The following GCNT1 variants were observed in gnomAD, a reference collection of about 807,000 sequenced individuals.
GCNT1 encodes beta-1,3-galactosyl-O-glycosyl-glycoprotein beta-1,6-N-acetylglucosaminyltransferase.
Under a neutral mutation model 26.2 loss-of-function variants are expected in GCNT1, and 16 were observed. The observed-to-expected ratio is 0.61, with a 90% CI of 0.41 to 0.93. GCNT1 has a LOEUF of 0.93. GCNT1 is among the 40% of genes least tolerant of loss of function. GCNT1 has a pLI of 0.00. For synonymous variants in GCNT1, 183 were observed against 190.8 expected (o/e 0.96, Z 0.34); for missense variants, 477 against 526.7 (o/e 0.91, Z 0.92).
At chr9:76,442,554 G>T (rs745640957) in intron 1 of GCNT1, among the ~76,000 whole-genome samples, 1 of 152,104 alleles carries the variant, frequency 6.6e-6, no homozygotes, top group South Asian at 2.1e-4. Flanking sequence ...GGTGGTAGGC[G>T]CCTGTAATCC....
intron 1 of GCNT1, among the ~76,000 whole-genome samples, chr9:76,444,212 G>T (rs958723734): frequency 6.6e-6 from 1 of 152,224 alleles, no homozygotes; most frequent in Non-Finnish European, 1.5e-5. Flanking sequence ...TGTAAAGGGA[G>T]ATGTTTACTA....
intron 1 of GCNT1, among the ~76,000 whole-genome samples, chr9:76,443,917 G>GA (rs1823524446): frequency 1.5e-5 from 1 of 64,708 alleles, no homozygotes; most frequent in African/African-American, 6.2e-5. Context: ...AAGGAAGAAA[G>GA]GAAGAAAGGA....
At chr9:76,412,054 T>C in the GCNT1 span, among the ~76,000 whole-genome samples, 76 of 152,316 alleles carry the variant, frequency 5.0e-4, no homozygotes, top group Non-Finnish European at 9.0e-4. Flanking sequence ...GTTTGCAATA[T>C]ACATTTACAA....
intron 2 of GCNT1, among the ~76,000 whole-genome samples, chr9:76,482,805 G>A (rs892662368): frequency 5.6e-5 from 7 of 125,336 alleles, no homozygotes; most frequent in East Asian, 2.6e-4. Context: ...CCACCACACC[G>A]GGCTAATTTT....
chr9:76,497,299 C>G (rs546871313), intron 2 of GCNT1, among the ~76,000 whole-genome samples: 1 of 152,144 alleles, frequency 6.6e-6, no homozygotes, highest in Non-Finnish European at 1.5e-5. Context: ...AACTTCTTTT[C>G]TTCTTGGAAA....
At chr9:76,447,333 G>A (rs1046232961) in intron 1 of GCNT1, among the ~76,000 whole-genome samples, 5 of 151,374 alleles carry the variant, frequency 3.3e-5, no homozygotes, top group Non-Finnish European at 4.4e-5. Context: ...TCAACCTCCC[G>A]GGCTCAGGCA....
chr9:76,451,930 C>A (rs1281156317), intron 1 of GCNT1, among the ~76,000 whole-genome samples: 1 of 139,260 alleles, frequency 7.2e-6, no homozygotes, highest in Non-Finnish European at 1.6e-5. Context: ...TACAACTTTT[C>A]TTTTCTTTTC....
At chr9:76,485,105 C>T (rs1384201739) in intron 2 of GCNT1, among the ~76,000 whole-genome samples, 2 of 151,912 alleles carry the variant, frequency 1.3e-5, no homozygotes, top group Non-Finnish European at 1.5e-5. Flanking sequence ...TTTTATTGTA[C>T]ATACTTGTTG....
intron 1 of GCNT1, among the ~76,000 whole-genome samples, chr9:76,426,193 G>T (rs1001284677): frequency 2.6e-5 from 4 of 152,146 alleles, no homozygotes; most frequent in African/African-American, 9.7e-5. Flanking sequence ...AAGTTAGTTC[G>T]TCCTGCGCTC....
intron 2 of GCNT1, among the ~76,000 whole-genome samples, chr9:76,478,918 T>C (rs1824336054): frequency 6.6e-6 from 1 of 152,242 alleles, no homozygotes; most frequent in Non-Finnish European, 1.5e-5. Context: ...GCAGGTTTGT[T>C]ACATATGTAT....
intron 2 of GCNT1, among the ~76,000 whole-genome samples, chr9:76,486,070 C>T (rs1228651229): frequency 6.6e-6 from 1 of 152,216 alleles, no homozygotes; most frequent in Non-Finnish European, 1.5e-5. Context: ...AGAGCGCAAA[C>T]TTGGGGGCCA....
upstream of GCNT1, among the ~76,000 whole-genome samples, chr9:76,439,366 A>G (rs1823451243): frequency 6.6e-6 from 1 of 151,530 alleles, no homozygotes; most frequent in Non-Finnish European, 1.5e-5. Flanking sequence ...CTTGGATTAC[A>G]GGTGCGTGGC....
chr9:76,437,824 T>C (rs1376785656), upstream of GCNT1, among the ~76,000 whole-genome samples: 2 of 152,232 alleles, frequency 1.3e-5, no homozygotes, highest in African/African-American at 2.4e-5. Context: ...TATTTTGATA[T>C]AGAGCTTGAT....
rs947580062 is a variant in GCNT1, at chr9:76,507,267, G to A, written c.*3599G>A. ...ACCGTTAAGCCTCTACGATTTTTAA[G>A]TAAGTTGGGGACCATCAGTTTAAAA... is the stretch of plus-strand genomic sequence containing the variant. On this transcript the variant is annotated 3_prime_UTR_variant, in exon 4 of 4. Coordinates refer to ENST00000376730, the MANE Select transcript of GCNT1 (RefSeq NM_001490.5). 8 of 167,058 alleles carry A rather than the reference G, an allele frequency of 4.8e-5. No individual in the cohort carries two copies. The highest frequency in any genetic ancestry group is 8.8e-5 in the Non-Finnish European group (6 of 68,116). 10.3% of individuals were successfully genotyped at this position (167,058 alleles called of 1,614,324 possible). A position where few individuals can be genotyped will look rare whatever the true frequency, so the allele number is the denominator to read the frequency against.
chr9:76,484,693 C>T (rs1824518177), intron 2 of GCNT1, among the ~76,000 whole-genome samples: 2 of 151,966 alleles, frequency 1.3e-5, no homozygotes, highest in South Asian at 2.1e-4. Flanking sequence ...AGTTTTGAGA[C>T]CCTCTGTATA....
chr9:76,482,466 A>C (rs1824447924), intron 2 of GCNT1, among the ~76,000 whole-genome samples: 1 of 85,444 alleles, frequency 1.2e-5, no homozygotes, highest in African/African-American at 4.0e-5. Flanking sequence ...CTAAAAATAC[A>C]AAAAAAAATT....
chr9:76,410,727 A>G, the GCNT1 span, among the ~76,000 whole-genome samples: 2 of 152,234 alleles, frequency 1.3e-5, no homozygotes, highest in Non-Finnish European at 2.9e-5. Context: ...TGGGTAAAGC[A>G]GTCTAGAAAT....
At chr9:76,430,271 A>C (rs1823318725) in intron 1 of GCNT1, among the ~76,000 whole-genome samples, 1 of 152,140 alleles carries the variant, frequency 6.6e-6, no homozygotes, top group African/African-American at 2.4e-5. Flanking sequence ...ATGACTTTTA[A>C]ATTTTTTGCC....
At chr9:76,413,280 A>C in the GCNT1 span, among the ~76,000 whole-genome samples, 1 of 152,206 alleles carries the variant, frequency 6.6e-6, no homozygotes, top group African/African-American at 2.4e-5. Flanking sequence ...GATATCTGTC[A>C]CTATAAACAA....
Sources: gnomAD v4.1 joint callset for allele counts (sites outside exome capture counted in the v4.1 genomes callset) on GRCh38, gnomAD v4.1.1 for gene constraint, MANE v1.5 for transcripts, NCBI Gene and HGNC (gene_info 2026-07-23, HGNC 2026-07-21) for gene names.